PCDHGA11: variants seen among roughly 807,000 people sequenced by gnomAD.
The protein encoded by PCDHGA11 is protocadherin gamma subfamily A, 11.
Under a neutral mutation model 60.4 loss-of-function variants are expected in PCDHGA11, and 39 were observed. The observed-to-expected ratio is 0.65, with a 90% CI of 0.50 to 0.84. The LOEUF is 0.84. Among genes scored for constraint, PCDHGA11 ranks in the 40% least tolerant of loss-of-function variants. PCDHGA11 has a pLI of 0.00. For synonymous variants in PCDHGA11, 533 were observed against 510.3 expected (o/e 1.04, Z -0.60); for missense variants, 1,165 against 1,197.7 (o/e 0.97, Z 0.40).
intron 1 of PCDHGA11, among the ~76,000 whole-genome samples, chr5:141,457,687 G>A (rs2098927754): frequency 6.6e-6 from 1 of 152,198 alleles, no homozygotes; most frequent in Admixed American, 6.5e-5. Context: ...TAGGACTTTT[G>A]GATTGGCTTT....
intron 1 of PCDHGA11, among the ~76,000 whole-genome samples, chr5:141,480,259 G>A (rs1285833242): frequency 2.0e-5 from 3 of 151,174 alleles, no homozygotes; most frequent in African/African-American, 7.3e-5. Flanking sequence ...AAAAAAATGT[G>A]TTTTCATTAG....
chr5:141,487,670 T>A lies in PCDHGA11; in HGVS notation c.2434-7137T>A. The A allele has an allele frequency of 6.2e-7, 1 of 1,612,302 alleles. No homozygotes were observed. Among genetic ancestry groups the A allele is most frequent in the Non-Finnish European group, 8.5e-7 (1 of 1,179,082 alleles). ...TGAGGGTTATTCTGATCCAGGCATA[T>A]GGCTAGGCCATGTCCTAGAGAGTAC... On this transcript the variant is annotated intron_variant, in intron 1 of 3. Transcript: ENST00000398587. This position sits in a 1 kb window ranked among gnomAD's most constrained non-coding sequence, Gnocchi z 5.0.
Position 141,431,435 on chromosome 5 carries a change from G to T in PCDHGA11, c.2433+7775G>T. On this transcript the variant is annotated intron_variant, in intron 1 of 3. Coordinates refer to ENST00000398587, the MANE Select transcript of PCDHGA11 (RefSeq NM_018914.3). This position sits in a 1 kb window ranked among gnomAD's most constrained non-coding sequence, Gnocchi z 4.8. The stretch of plus-strand genomic sequence containing the variant: ...GGGCGACCCGGTGCGCACAGGCACC[G>T]CGCGCATCCGCGTGATGGTTCTGGA... The T allele has an allele frequency of 6.2e-7, 1 of 1,613,668 alleles. No individual in the cohort carries two copies. Among genetic ancestry groups the T allele is most frequent in the Non-Finnish European group, 8.5e-7 (1 of 1,180,026 alleles).
chr5:141,423,730 A>G, intron 1 of PCDHGA11, 70 bp downstream of exon 1: 1 of 831,022 alleles, frequency 1.2e-6, no homozygotes. Flanking sequence ...ATGTTTTTTG[A>G]GCCTGTTATG....
intron 2 of PCDHGA11, among the ~76,000 whole-genome samples, chr5:141,504,059 T>C (rs1179226175): frequency 6.6e-6 from 1 of 152,184 alleles, no homozygotes; most frequent in Admixed American, 6.6e-5. Flanking sequence ...ATTGAAAAAC[T>C]TCTCTGAGCC....
At position 141,486,622 on chromosome 5, in the gene PCDHGA11, C is replaced by T. The variant is rs1320329216; in HGVS notation, c.2434-8185C>T. On this transcript the variant is annotated intron_variant, in intron 1 of 3. Coordinates refer to ENST00000398587, the MANE Select transcript of PCDHGA11 (RefSeq NM_018914.3). The surrounding 1 kb of genome is among the most constrained non-coding windows in gnomAD (Gnocchi z 5.0). ...GCTCCCTTGCAGCCTCTGACCCAGACTCTGGCTTGAATGCGCTTATCTCCT... is the reference window on the plus strand; with the variant it reads ...GCTCCCTTGCAGCCTCTGACCCAGATTCTGGCTTGAATGCGCTTATCTCCT... 6.2e-7 allele frequency: 1 copy of T among 1,613,574 alleles called. No individual in the cohort carries two copies. The highest frequency in any genetic ancestry group is 8.5e-7 in the Non-Finnish European group (1 of 1,180,042).
Position 141,432,794 on chromosome 5 carries a change from G to C in PCDHGA11, c.2433+9134G>C. 3 of 1,614,138 alleles carry C rather than the reference G, an allele frequency of 1.9e-6. No homozygotes were observed. The highest frequency in any genetic ancestry group is 1.7e-5 in the Admixed American group (1 of 60,026). ...AGTCCTGGCGGACCTCGGCAGCCTC[G>C]AGTCTCCAGCTAACTCTGAAACCTC... On this transcript the variant is annotated intron_variant, in intron 1 of 3. Coordinates refer to ENST00000398587, the MANE Select transcript of PCDHGA11 (RefSeq NM_018914.3). The surrounding 1 kb of genome is among the most constrained non-coding windows in gnomAD (Gnocchi z 6.0).
In PCDHGA11 at chr5:141,431,494, C is replaced by A; in HGVS notation, c.2433+7834C>A. 6.2e-7 allele frequency: 1 copy of A among 1,613,956 alleles called. No homozygotes were observed. Among genetic ancestry groups the A allele is most frequent in the Middle Eastern group, 1.6e-4 (1 of 6,062 alleles). On this transcript the variant is annotated intron_variant, in intron 1 of 3. Coordinates refer to ENST00000398587, the MANE Select transcript of PCDHGA11 (RefSeq NM_018914.3). This position sits in a 1 kb window ranked among gnomAD's most constrained non-coding sequence, Gnocchi z 4.8. Reference sequence around the variant, plus strand: ...ACAACGCACCAGCGTTTGCTCAGCCCGAGTACCGCGCGAGCGTTCCGGAGA... The same window carrying A: ...ACAACGCACCAGCGTTTGCTCAGCCAGAGTACCGCGCGAGCGTTCCGGAGA...
At chr5:141,445,895 A>C (rs930350527) in intron 1 of PCDHGA11, among the ~76,000 whole-genome samples, 1 of 152,212 alleles carries the variant, frequency 6.6e-6, no homozygotes, top group Admixed American at 6.5e-5. Context: ...GGAGCTATTA[A>C]AATATTTTAA....
chr5:141,437,628 T>C (rs2097897572), intron 1 of PCDHGA11, among the ~76,000 whole-genome samples: 1 of 152,212 alleles, frequency 6.6e-6, no homozygotes, highest in African/African-American at 2.4e-5. Context: ...CCATATAAGA[T>C]GTCAGGTTCA....
At chr5:141,460,985 A>G (rs553462661) in intron 1 of PCDHGA11, among the ~76,000 whole-genome samples, 245 of 91,804 alleles carry the variant, frequency 2.7e-3, no homozygotes, top group Middle Eastern at 5.0e-3. Context: ...GTGTGTGTGT[A>G]TATATATATA....
chr5:141,421,305 G>A lies in PCDHGA11; in HGVS notation c.78G>A (p.Gly26=). The part of the protein sequence containing the change: ...LLCIFLGTLR[G]FRARQIRYSV... ...GCATTTTCCTGGGGACGCTGCGGGG[G>A]TTCCGGGCCAGGCAGATCCGATATT... The change falls in exon 1 of 4, where the codon GGG becomes GGA. Residue 26 remains glycine (G), a synonymous_variant. Transcript: ENST00000398587. 1.4e-5 allele frequency: 23 copies of A among 1,613,652 alleles called. No homozygotes were observed. Among genetic ancestry groups the A allele is most frequent in the Non-Finnish European group, 1.9e-5 (23 of 1,179,840 alleles).
intron 2 of PCDHGA11, among the ~76,000 whole-genome samples, chr5:141,504,704 A>G (rs965376942): frequency 1.3e-5 from 2 of 151,356 alleles, no homozygotes; most frequent in African/African-American, 4.8e-5. Flanking sequence ...AGGTTCTTCT[A>G]TGGCCGTGGA....
At chr5:141,473,167 C>T (rs1360150717) in intron 1 of PCDHGA11, among the ~76,000 whole-genome samples, 2 of 152,122 alleles carry the variant, frequency 1.3e-5, no homozygotes. Flanking sequence ...TAGGAAGGCC[C>T]ACTGGTAACT....
At chr5:141,501,333 A>ACC (rs1554187333) in intron 2 of PCDHGA11, among the ~76,000 whole-genome samples, 192 of 140,118 alleles carry the variant, frequency 1.4e-3, no homozygotes, top group Admixed American at 5.6e-3. Flanking sequence ...ACACACACAC[A>ACC]CCCCAAACTC....
chr5:141,485,680 C>T lies in PCDHGA11; in HGVS notation c.2434-9127C>T. The T allele has an allele frequency of 6.2e-7, 1 of 1,613,966 alleles. No individual in the cohort carries two copies. Among genetic ancestry groups the T allele is most frequent in the South Asian group, 1.1e-5 (1 of 91,066 alleles). The stretch of plus-strand genomic sequence containing the variant: ...ATGTGGGGAGCAATTCGATTAGCAG[C>T]TATAGGCTGAGCTCCAATGAACACT... On this transcript the variant is annotated intron_variant, in intron 1 of 3. Coordinates refer to ENST00000398587, the MANE Select transcript of PCDHGA11 (RefSeq NM_018914.3). The surrounding 1 kb of genome is among the most constrained non-coding windows in gnomAD (Gnocchi z 5.7).
Position 141,489,434 on chromosome 5 carries a change from A to G in PCDHGA11, c.2434-5373A>G. On this transcript the variant is annotated intron_variant, in intron 1 of 3. Transcript: ENST00000398587. This position sits in a 1 kb window ranked among gnomAD's most constrained non-coding sequence, Gnocchi z 4.5. ...ACAGATCTGTTGAGCCGGCGGCTGC[A>G]ATTGGGCTCTGAGGAGAATGGGCGC... 6.2e-7 allele frequency: 1 copy of G among 1,614,138 alleles called. No individual in the cohort carries two copies. The highest frequency in any genetic ancestry group is 8.5e-7 in the Non-Finnish European group (1 of 1,180,044).
At chr5:141,483,988 G>A (rs78891657) in intron 1 of PCDHGA11, among the ~76,000 whole-genome samples, 1,520 of 149,036 alleles carry the variant, frequency 0.01, 30 homozygotes, top group African/African-American at 0.037. Flanking sequence ...TAGCTAGGTT[G>A]CTGGGAGGTC....
intron 1 of PCDHGA11, among the ~76,000 whole-genome samples, chr5:141,483,057 C>T (rs1329609397): frequency 6.6e-6 from 1 of 152,028 alleles, no homozygotes; most frequent in African/African-American, 2.4e-5. Flanking sequence ...TGCACTCCAG[C>T]ATGGGCAACA....
Sources: allele counts gnomAD v4.1 joint callset (sites outside exome capture counted in the v4.1 genomes callset), GRCh38; gene constraint gnomAD v4.1.1; non-coding constraint Gnocchi (gnomAD v3.1); transcripts MANE v1.5; gene names NCBI Gene and HGNC (gene_info 2026-07-23, HGNC 2026-07-21).